Variants in NFIA observed in about 807,000 individuals in gnomAD.
NFIA encodes nuclear factor I A.
Under a neutral mutation model 62.8 loss-of-function variants are expected in NFIA, and 8 were observed. The ratio of observed to expected loss-of-function variants is 0.13; its 90% CI spans 0.07 to 0.23. The LOEUF (loss-of-function observed/expected upper bound fraction) is 0.23. Among genes scored for constraint, NFIA ranks in the 10% least tolerant of loss-of-function variants. NFIA has a pLI of 1.00. For synonymous variants in NFIA, 235 were observed against 238.1 expected (o/e 0.99, Z 0.12); for missense variants, 410 against 642.1 (o/e 0.64, Z 3.91).
At position 61,412,405 on chromosome 1, in the gene NFIA, G is replaced by C. The variant is rs114131926; in HGVS notation, c.1420+5678G>C. ...TTGCTAATGACCTGCACCAACGTGG[G>C]AGCAATAGGGGTGATGAGAAGTAAG... On this transcript the variant is annotated intron_variant, in intron 9 of 10. Transcript: ENST00000403491. 4.3e-3 allele frequency among the ~76,000 whole-genome samples: 661 copies of C among 152,314 alleles called. 6 individuals are homozygous for C. Among genetic ancestry groups the C allele is most frequent in the African/African-American group, 0.015 (632 of 41,572 alleles).
intron 2 of NFIA, among the ~76,000 whole-genome samples, chr1:61,215,256 C>T (rs1251887167): frequency 1.3e-5 from 2 of 152,112 alleles, no homozygotes; most frequent in African/African-American, 4.8e-5. Flanking sequence ...ATGCAACTTA[C>T]AAGAATATTT....
chr1:61,300,820 A>G (rs1309947153), intron 3 of NFIA, among the ~76,000 whole-genome samples: 2 of 152,070 alleles, frequency 1.3e-5, no homozygotes, highest in East Asian at 1.9e-4. Flanking sequence ...CTCCATTTTT[A>G]TAAAGATTGG....
chr1:61,207,974 CTTTTT>C (rs11444962), intron 2 of NFIA, among the ~76,000 whole-genome samples: 5 of 115,430 alleles, frequency 4.3e-5, no homozygotes, highest in Admixed American at 8.7e-5. Context: ...TGCACTGAAC[CTTTTT>C]TTTTTTTTTT....
chr1:61,347,886 C>G (rs1662329635), intron 4 of NFIA, among the ~76,000 whole-genome samples: 1 of 152,178 alleles, frequency 6.6e-6, no homozygotes, highest in Non-Finnish European at 1.5e-5. Flanking sequence ...CATTTTAACC[C>G]TGACTCTCTC....
chr1:61,285,105 G>T (rs566675890), intron 3 of NFIA, among the ~76,000 whole-genome samples: 1 of 152,150 alleles, frequency 6.6e-6, no homozygotes, highest in Admixed American at 6.5e-5. Flanking sequence ...ATCACAGTGC[G>T]GTAGAAGGTG....
intron 3 of NFIA, among the ~76,000 whole-genome samples, chr1:61,324,723 T>A (rs954398337): frequency 2.0e-5 from 3 of 152,248 alleles, no homozygotes; most frequent in African/African-American, 7.2e-5. Context: ...GGCGGATAGA[T>A]GTTCAGTTCC....
chr1:61,119,231 C>T (rs1386911796), intron 2 of NFIA, among the ~76,000 whole-genome samples: 3 of 152,092 alleles, frequency 2.0e-5, no homozygotes, highest in African/African-American at 7.2e-5. Context: ...CAAAACCTGG[C>T]TTACTCAAGG....
intron 2 of NFIA, among the ~76,000 whole-genome samples, chr1:61,174,266 C>T (rs545505927): frequency 3.3e-5 from 5 of 152,324 alleles, no homozygotes; most frequent in East Asian, 1.9e-4. Context: ...GAAACACATG[C>T]GCTCTCAGCA....
intron 9 of NFIA, among the ~76,000 whole-genome samples, chr1:61,417,485 A>G (rs973769716): frequency 3.3e-5 from 5 of 151,498 alleles, no homozygotes; most frequent in African/African-American, 1.2e-4. Context: ...TTAGACATGT[A>G]TTTTTGTCCC....
At chr1:61,216,650 T>G (rs1293949294) in intron 2 of NFIA, among the ~76,000 whole-genome samples, 1 of 152,232 alleles carries the variant, frequency 6.6e-6, no homozygotes, top group African/African-American at 2.4e-5. Flanking sequence ...TACTAGTGTG[T>G]AGCAATAACT....
intron 2 of NFIA, among the ~76,000 whole-genome samples, chr1:61,113,679 T>C (rs989359290): frequency 1.3e-5 from 2 of 151,542 alleles, no homozygotes; most frequent in Non-Finnish European, 2.9e-5. Context: ...TTTGGAAGGC[T>C]TCTTGGGTAA....
chr1:61,171,313 G>A (rs915121255), intron 2 of NFIA, among the ~76,000 whole-genome samples: 21 of 152,156 alleles, frequency 1.4e-4, no homozygotes, highest in Admixed American at 1.0e-3. Flanking sequence ...CGAGCAAATC[G>A]AAATGTGATA....
intron 3 of NFIA, among the ~76,000 whole-genome samples, chr1:61,318,345 C>T (rs2067774): frequency 0.092 from 13,954 of 152,094 alleles, 759 homozygotes; most frequent in Middle Eastern, 0.13. Flanking sequence ...TGTTGGAATC[C>T]GTGGTTGCAA....
Position 61,284,974 on chromosome 1 carries a change from TG to T in NFIA, c.625+7391del, listed in dbSNP as rs559639173. ...TTAAAGTGTGTATTTAGAATGTATC[TG>T]GAATTGCGTAAATATATACATAGAT... On this transcript the variant is annotated intron_variant, in intron 3 of 10. Transcript: ENST00000403491. 2.0e-5 allele frequency among the ~76,000 whole-genome samples: 3 copies of T among 152,362 alleles called. No homozygotes were observed. The South Asian group carries it at 6.2e-4, about 32-fold the overall frequency.
At chr1:61,152,986 G>A (rs1225610986) in intron 2 of NFIA, among the ~76,000 whole-genome samples, 1 of 152,190 alleles carries the variant, frequency 6.6e-6, no homozygotes. Context: ...GAGCCCCAGG[G>A]TGAGAGTCAG....
At chr1:61,272,761 G>A (rs1174136921) in intron 2 of NFIA, among the ~76,000 whole-genome samples, 4 of 152,078 alleles carry the variant, frequency 2.6e-5, no homozygotes, top group Non-Finnish European at 4.4e-5. Context: ...TTTATTTGCA[G>A]GAAAGTATTC....
At chr1:61,312,039 G>C (rs766123306) in intron 3 of NFIA, among the ~76,000 whole-genome samples, 1 of 152,212 alleles carries the variant, frequency 6.6e-6, no homozygotes, top group Non-Finnish European at 1.5e-5. Flanking sequence ...CTGTGCTGGA[G>C]ACTGTGTTAT....
In NFIA at chr1:61,138,418, G is replaced by A. The variant is rs547759413; in HGVS notation, c.559+49738G>A. The stretch of plus-strand genomic sequence containing the variant: ...CCAAAGTTATTTTCAAAATACAGTG[G>A]TTTTACCCCACCACCCTTAGAGGTA... On this transcript the variant is annotated intron_variant, in intron 2 of 10. Coordinates refer to ENST00000403491, the MANE Select transcript of NFIA (RefSeq NM_001134673.4). Among the ~76,000 whole-genome samples the A allele has an allele frequency of 1.6e-3, 239 of 152,120 alleles. 8 individuals carry two copies. Among genetic ancestry groups the A allele is most frequent in the Admixed American group, 0.015 (236 of 15,274 alleles).
intron 2 of NFIA, among the ~76,000 whole-genome samples, chr1:61,271,633 C>A (rs1413217217): frequency 6.6e-6 from 1 of 152,142 alleles, no homozygotes; most frequent in Non-Finnish European, 1.5e-5. Context: ...GACCTTGCTC[C>A]CTGTCTGAAT....
Sources: gnomAD v4.1 joint callset for allele counts (sites outside exome capture counted in the v4.1 genomes callset) on GRCh38, gnomAD v4.1.1 for gene constraint, MANE v1.5 for transcripts, NCBI Gene and HGNC (gene_info 2026-07-23, HGNC 2026-07-21) for gene names.